MGAT4C: variants seen among roughly 807,000 people sequenced by gnomAD.
MGAT4C encodes MGAT4 family member C.
MGAT4C carries 19 observed loss-of-function variants against 40.1 expected under a neutral mutation model. That is an observed-to-expected ratio of 0.47 (90% CI 0.33 to 0.70). The LOEUF (loss-of-function observed/expected upper bound fraction) is 0.70, where lower values mean the gene tolerates loss of function less well. MGAT4C is among the 30% of genes least tolerant of loss of function. The pLI is 0.02. For missense variants in MGAT4C, 491 were observed against 563.2 expected, an observed-to-expected ratio of 0.87 and a Z score of 1.30; for synonymous variants, 181 against 187.1, an observed-to-expected ratio of 0.97 and a Z score of 0.27.
intron 2 of MGAT4C, among the ~76,000 whole-genome samples, chr12:86,471,731 GAAGA>G (rs1307299038): frequency 1.3e-5 from 2 of 152,026 alleles, no homozygotes; most frequent in Non-Finnish European, 2.9e-5. Context: ...AAATGATGTA[GAAGA>G]GAGAAGCTGA....
intron 1 of MGAT4C, among the ~76,000 whole-genome samples, chr12:86,201,198 T>A (rs1252991127): frequency 1.3e-5 from 2 of 152,196 alleles, no homozygotes; most frequent in Non-Finnish European, 2.9e-5. Flanking sequence ...GAAACTATTA[T>A]TTTAAGCACT....
At chr12:86,028,863 A>G (rs1890482108) in intron 2 of MGAT4C, among the ~76,000 whole-genome samples, 1 of 151,944 alleles carries the variant, frequency 6.6e-6, no homozygotes. Flanking sequence ...ATGATATAAG[A>G]TATCTCATTA....
chr12:86,151,417 C>T (rs1884264682), intron 1 of MGAT4C, among the ~76,000 whole-genome samples: 1 of 152,102 alleles, frequency 6.6e-6, no homozygotes, highest in Non-Finnish European at 1.5e-5. Context: ...TCAAGACCAT[C>T]CTGGCTAACA....
intron 1 of MGAT4C, among the ~76,000 whole-genome samples, chr12:86,238,558 C>A (rs968941989): frequency 2.0e-5 from 3 of 152,032 alleles, no homozygotes; most frequent in Non-Finnish European, 4.4e-5. Flanking sequence ...TTGGACAACA[C>A]AGATATAGCT....
At chr12:86,322,165 T>C (rs565448370) in intron 4 of MGAT4C, among the ~76,000 whole-genome samples, 7 of 137,596 alleles carry the variant, frequency 5.1e-5, no homozygotes, top group African/African-American at 1.1e-4. Flanking sequence ...TAGGTGGGAA[T>C]TGAACAATAA....
At chr12:86,707,777 T>C (rs1950488070) in intron 2 of MGAT4C, among the ~76,000 whole-genome samples, 1 of 152,006 alleles carries the variant, frequency 6.6e-6, no homozygotes, top group Non-Finnish European at 1.5e-5. Flanking sequence ...GCAATCTACA[T>C]ACCTCAGCCT....
At chr12:86,473,221 T>G (rs983251972) in intron 2 of MGAT4C, among the ~76,000 whole-genome samples, 1 of 152,140 alleles carries the variant, frequency 6.6e-6, no homozygotes, top group African/African-American at 2.4e-5. Flanking sequence ...CCTCCCAAAG[T>G]GCTGGGCTTA....
intron 3 of MGAT4C, among the ~76,000 whole-genome samples, chr12:86,337,717 T>G (rs1299289835): frequency 1.3e-5 from 2 of 152,024 alleles, no homozygotes; most frequent in African/African-American, 4.8e-5. Flanking sequence ...TAACTAAAAG[T>G]CGACATTTAC....
At position 85,983,255 on chromosome 12, in the gene MGAT4C, T is replaced by A. The variant is rs188034222; in HGVS notation, c.295+268A>T. Among the ~76,000 whole-genome samples the A allele has an allele frequency of 1.2e-3, 178 of 152,304 alleles. 1 individual carries two copies. The highest frequency in any genetic ancestry group is 4.1e-3 in the African/African-American group (172 of 41,558). On this transcript the variant is annotated intron_variant, in intron 4 of 4. Coordinates refer to ENST00000611864, the MANE Select transcript of MGAT4C (RefSeq NM_001351288.2). Reference sequence around the variant, plus strand: ...CTTCTAAATTTTAAAGTAAATTGATTTTTTTCTAGTCACTCTATACCATCC... The same window carrying A: ...CTTCTAAATTTTAAAGTAAATTGATATTTTTCTAGTCACTCTATACCATCC...
intron 4 of MGAT4C, among the ~76,000 whole-genome samples, chr12:86,297,057 C>G (rs1370753541): frequency 6.6e-6 from 1 of 152,098 alleles, no homozygotes; most frequent in African/African-American, 2.4e-5. Context: ...AAATATTTCC[C>G]TAGTGAAGTA....
At chr12:86,472,889 G>A (rs1206665829) in intron 2 of MGAT4C, among the ~76,000 whole-genome samples, 1 of 152,162 alleles carries the variant, frequency 6.6e-6, no homozygotes, top group South Asian at 2.1e-4. Flanking sequence ...ATGTCTTATT[G>A]TTAGTACGGA....
At chr12:86,720,452 C>G (rs1950719261) in intron 2 of MGAT4C, among the ~76,000 whole-genome samples, 2 of 152,204 alleles carry the variant, frequency 1.3e-5, no homozygotes, top group Non-Finnish European at 2.9e-5. Flanking sequence ...ACATTTTAAA[C>G]TACTGCAATG....
intron 1 of MGAT4C, among the ~76,000 whole-genome samples, chr12:86,727,628 T>G (rs1290405120): frequency 2.0e-5 from 3 of 152,076 alleles, no homozygotes; most frequent in Admixed American, 2.0e-4. Flanking sequence ...ACAAAAATTT[T>G]AAAACAGTAA....
chr12:86,250,344 A>ACT (rs1952222184), intron 1 of MGAT4C, among the ~76,000 whole-genome samples: 2 of 143,500 alleles, frequency 1.4e-5, no homozygotes, highest in East Asian at 6.8e-4. Context: ...AGAGAGAGAG[A>ACT]GAGAGAGAGA....
At position 86,568,998 on chromosome 12, in the gene MGAT4C, T is replaced by C. The variant is rs902655711; in HGVS notation, c.-228-133733A>G. Among the ~76,000 whole-genome samples, 15 of 151,748 alleles carry C rather than the reference T, an allele frequency of 9.9e-5. No homozygotes were observed. In the East Asian group the frequency reaches 2.1e-3, roughly 22 times the overall value. ...GCTTCCATTTAAAATAGCTCAAAAA[T>C]ATGTACATGAATAAATTTAACCAAG... On this transcript the variant is annotated intron_variant, in intron 2 of 7. Transcript: ENST00000548651.
chr12:86,359,540 G>A (rs184255147), intron 3 of MGAT4C, among the ~76,000 whole-genome samples: 2 of 152,078 alleles, frequency 1.3e-5, no homozygotes, highest in African/African-American at 2.4e-5. Flanking sequence ...ATGAATCCAT[G>A]AGCTGGTTTT....
intron 1 of MGAT4C, among the ~76,000 whole-genome samples, chr12:86,763,741 A>G (rs1039708114): frequency 6.6e-6 from 1 of 152,108 alleles, no homozygotes; most frequent in Non-Finnish European, 1.5e-5. Flanking sequence ...TGTGTTGTAT[A>G]TGGTATAACT....
At chr12:86,278,275 T>A (rs774879452) in intron 4 of MGAT4C, among the ~76,000 whole-genome samples, 1 of 149,074 alleles carries the variant, frequency 6.7e-6, no homozygotes, top group Non-Finnish European at 1.5e-5. Flanking sequence ...GCCTCCTGGA[T>A]TCAAGTGATT....
At position 86,027,494 on chromosome 12, in the gene MGAT4C, GA is replaced by G. The variant is rs1321067838; in HGVS notation, c.-7+22179del. Among the ~76,000 whole-genome samples the G allele has an allele frequency of 4.0e-5, 6 of 151,616 alleles. No individual in the cohort carries two copies. In the East Asian group the frequency reaches 9.6e-4, roughly 24 times the overall value. On this transcript the variant is annotated intron_variant, in intron 2 of 4. Coordinates refer to ENST00000611864, the MANE Select transcript of MGAT4C (RefSeq NM_001351288.2). ...TATTTCTGGCCCAGAGAACAGAATA[GA>G]AAAAATTTATTTTAAAATACACATG...
Sources: gnomAD v4.1 joint callset for allele counts (sites outside exome capture counted in the v4.1 genomes callset) on GRCh38, gnomAD v4.1.1 for gene constraint, MANE v1.5 for transcripts, NCBI Gene and HGNC (gene_info 2026-07-23, HGNC 2026-07-21) for gene names.